Variants in ADAM9 observed in about 807,000 individuals in gnomAD.
ADAM9 encodes disintegrin and metalloproteinase domain-containing protein 9.
In ADAM9, 54 loss-of-function variants were observed where a neutral mutation model predicts 108.1. The ratio of observed to expected loss-of-function variants is 0.50; its 90% CI spans 0.40 to 0.63. The LOEUF (loss-of-function observed/expected upper bound fraction) is 0.63. Ranked by LOEUF, ADAM9 falls within the 20% of genes least tolerant of loss-of-function variation. The pLI, the probability that ADAM9 is intolerant of heterozygous loss-of-function variation, is 0.00. For synonymous variants in ADAM9, 316 were observed against 336.0 expected (o/e 0.94, Z 0.65); for missense variants, 830 against 997.7 (o/e 0.83, Z 2.26).
intron 8 of ADAM9, 75 bp from the exon 9 acceptor site, chr8:39,023,081 G>T: frequency 7.6e-7 from 1 of 1,308,492 alleles, no homozygotes; most frequent in Non-Finnish European, 1.1e-6. Flanking sequence ...AAGTAGCCGT[G>T]TTACTTCATG....
chr8:39,084,352 A>G (rs1164061538), intron 18 of ADAM9, among the ~76,000 whole-genome samples: 1 of 148,776 alleles, frequency 6.7e-6, no homozygotes, highest in African/African-American at 2.5e-5. Flanking sequence ...TTTTTCTGAT[A>G]CAGACATTTT....
intron 3 of ADAM9, among the ~76,000 whole-genome samples, chr8:39,012,738 T>G (rs561265641): frequency 5.3e-5 from 8 of 151,944 alleles, no homozygotes; most frequent in African/African-American, 1.9e-4. Flanking sequence ...TAGGTGGGAA[T>G]TGAACAATGA....
chr8:39,023,244 G>T lies in ADAM9; in HGVS notation c.833G>T (p.Gly278Val). 6.2e-7 allele frequency: 1 copy of T among 1,613,780 alleles called. No homozygotes were observed. The highest frequency in any genetic ancestry group is 8.5e-7 in the Non-Finnish European group (1 of 1,179,890). Residue 278 changes from glycine to valine, a missense_variant, in exon 9 of 22, where the codon GGT becomes GTT. Coordinates refer to ENST00000487273, the MANE Select transcript of ADAM9 (RefSeq NM_003816.3). ...GNLINIVGGA[G>V]DVLGNFVQWR... is the part of the protein sequence containing the mutation. ...CTGATCAACATAGTTGGGGGTGCTG[G>T]TGATGTGCTGGGGAACTTCGTGCAG...
At chr8:38,997,183 G>T (rs768526369) in intron 1 of ADAM9, 23 bp downstream of exon 1, 1 of 1,590,804 alleles carries the variant, frequency 6.3e-7, no homozygotes, top group Admixed American at 1.7e-5. Flanking sequence ...GCCCCGGGTC[G>T]GTTGGGACGG....
intron 11 of ADAM9, among the ~76,000 whole-genome samples, chr8:39,030,860 C>A (rs1837075704): frequency 6.6e-6 from 1 of 152,140 alleles, no homozygotes; most frequent in South Asian, 2.1e-4. Flanking sequence ...TGTAGATGAT[C>A]TTTTTCCTTC....
Position 39,007,844 on chromosome 8 carries a change from T to G in ADAM9, c.98-42T>G, listed in dbSNP as rs1172059538. 6.4e-6 allele frequency: 9 copies of G among 1,396,398 alleles called. No individual in the cohort carries two copies. The East Asian group carries it at 2.1e-4, about 32-fold the overall frequency. 86.5% of individuals were successfully genotyped at this position (1,396,398 alleles called of 1,614,324 possible). On this transcript the variant is annotated intron_variant, in intron 1 of 21. Coordinates refer to ENST00000487273, the MANE Select transcript of ADAM9 (RefSeq NM_003816.3). ...CATTATATTGTGTTCCCACGTAGTT[T>G]TTCAGTTTCACTTATTATATTTGTT...
At chr8:39,096,340 A>T (rs1000326716) in intron 20 of ADAM9, among the ~76,000 whole-genome samples, 5 of 151,940 alleles carry the variant, frequency 3.3e-5, no homozygotes, top group African/African-American at 1.2e-4. Flanking sequence ...TCTATAGCAC[A>T]TATATTGTGA....
intron 20 of ADAM9, among the ~76,000 whole-genome samples, chr8:39,097,392 C>T (rs1788635786): frequency 6.6e-6 from 1 of 151,474 alleles, no homozygotes; most frequent in Non-Finnish European, 1.5e-5. Flanking sequence ...TTGCAACCTC[C>T]GCCTCCCAGG....
chr8:39,004,999 C>G (rs1319122167), intron 1 of ADAM9, among the ~76,000 whole-genome samples: 1 of 152,184 alleles, frequency 6.6e-6, no homozygotes, highest in Non-Finnish European at 1.5e-5. Flanking sequence ...GAATGCCTAA[C>G]CTTCTGGGAA....
At chr8:39,082,231 A>G (rs1048195674) in intron 16 of ADAM9, among the ~76,000 whole-genome samples, 9 of 152,174 alleles carry the variant, frequency 5.9e-5, no homozygotes, top group African/African-American at 2.2e-4. Flanking sequence ...TATCTGTCAT[A>G]GTAACAACAC....
At chr8:39,007,837 C>A (rs368438542) in intron 1 of ADAM9, 49 bp from the exon 2 acceptor site, 1 of 1,256,852 alleles carries the variant, frequency 8.0e-7, no homozygotes, top group Non-Finnish European at 1.2e-6. Flanking sequence ...TGTGTTCCCA[C>A]GTAGTTTTTC....
At chr8:39,103,468 TA>T in intron 21 of ADAM9, 138 bp from the exon 22 acceptor site, 1 of 825,114 alleles carries the variant, frequency 1.2e-6, no homozygotes, top group Non-Finnish European at 2.0e-6. Context: ...AATATCACCC[TA>T]ATACTGATCT....
At position 39,042,075 on chromosome 8, in the gene ADAM9, G is replaced by C; in HGVS notation, c.1260G>C (p.Lys420Asn). The change falls in exon 12 of 22, where the codon AAG becomes AAC. Residue 420 changes from lysine (K) to asparagine (N), a missense_variant. Physicochemically the swap from Lys to Asn is moderately conservative, Grantham distance 94 (BLOSUM62 0). Coordinates refer to ENST00000487273, the MANE Select transcript of ADAM9 (RefSeq NM_003816.3). Reference sequence around the variant, plus strand: ...ATAGTGCTCCCTCCTGTGGTAATAAGTTGGTGGACGCTGGGGAAGAGTGTG... The same window carrying C: ...ATAGTGCTCCCTCCTGTGGTAATAACTTGGTGGACGCTGGGGAAGAGTGTG... ...EAYSAPSCGN[K>N]LVDAGEECDC... is the part of the protein sequence containing the mutation. 1 of 1,614,128 alleles carries C rather than the reference G, an allele frequency of 6.2e-7. No individual in the cohort carries two copies. The highest frequency in any genetic ancestry group is 8.5e-7 in the Non-Finnish European group (1 of 1,179,942).
At chr8:39,058,141 C>T (rs1006288961) in intron 14 of ADAM9, among the ~76,000 whole-genome samples, 2 of 152,128 alleles carry the variant, frequency 1.3e-5, no homozygotes, top group Non-Finnish European at 2.9e-5. Flanking sequence ...ATAAAATTAA[C>T]AATACTTAAA....
At chr8:39,058,285 C>T (rs990567778) in intron 14 of ADAM9, among the ~76,000 whole-genome samples, 2 of 152,166 alleles carry the variant, frequency 1.3e-5, no homozygotes, top group Admixed American at 1.3e-4. Flanking sequence ...AAACAGTCTT[C>T]GTTTCTGCAA....
intron 18 of ADAM9, among the ~76,000 whole-genome samples, chr8:39,084,036 G>A (rs1839104859): frequency 6.6e-6 from 1 of 152,154 alleles, no homozygotes; most frequent in Admixed American, 6.5e-5. Flanking sequence ...CAGTAGGTAT[G>A]TAGTGGTATT....
intron 20 of ADAM9, among the ~76,000 whole-genome samples, chr8:39,095,667 T>G (rs1839480927): frequency 6.6e-6 from 1 of 152,192 alleles, no homozygotes; most frequent in Non-Finnish European, 1.5e-5. Context: ...GAGCCAAATG[T>G]TTTCTTACTG....
At chr8:39,035,017 G>A (rs1291458229) in intron 11 of ADAM9, among the ~76,000 whole-genome samples, 2 of 152,148 alleles carry the variant, frequency 1.3e-5, no homozygotes, top group Non-Finnish European at 2.9e-5. Context: ...CATATTGCCT[G>A]TGTACACAGG....
At chr8:39,046,155 T>C (rs1837766262) in intron 12 of ADAM9, among the ~76,000 whole-genome samples, 1 of 152,106 alleles carries the variant, frequency 6.6e-6, no homozygotes, top group South Asian at 2.1e-4. Flanking sequence ...TTTAGCAATG[T>C]TTTGTAAGTT....
Sources: gnomAD v4.1 joint callset for allele counts (sites outside exome capture counted in the v4.1 genomes callset) on GRCh38, gnomAD v4.1.1 for gene constraint, MANE v1.5 for transcripts, NCBI Gene and HGNC (gene_info 2026-07-23, HGNC 2026-07-21) for gene names.